Variants in GRM5 observed in about 807,000 individuals in gnomAD.
GRM5 encodes the protein glutamate metabotropic receptor 5, also known as metabotropic glutamate receptor 5.
A neutral mutation model predicts 83.1 loss-of-function variants in GRM5; 19 were observed. The observed-to-expected ratio is 0.23, with a 90% confidence interval of 0.16 to 0.34. The LOEUF is 0.34. Among genes scored for constraint, GRM5 ranks in the 10% least tolerant of loss-of-function variants. GRM5 has a pLI of 1.00. For synonymous variants in GRM5, 675 were observed against 633.6 expected (o/e 1.07, Z -0.98); for missense variants, 1,160 against 1,588.3 (o/e 0.73, Z 4.58).
At chr11:88,517,429 A>G (rs953703671) in intron 9 of GRM5, among the ~76,000 whole-genome samples, 1 of 152,178 alleles carries the variant, frequency 6.6e-6, no homozygotes, top group African/African-American at 2.4e-5. Flanking sequence ...TGGCAAAAAA[A>G]GTTTTAAAAA....
intron 2 of GRM5, among the ~76,000 whole-genome samples, chr11:88,858,635 T>C (rs1274622422): frequency 3.3e-5 from 5 of 152,052 alleles, no homozygotes; most frequent in Admixed American, 2.0e-4. Context: ...GAGTGTCATA[T>C]TTGGTTTGGT....
intron 2 of GRM5, among the ~76,000 whole-genome samples, chr11:89,007,210 A>C (rs1488192789): frequency 6.6e-6 from 1 of 152,234 alleles, no homozygotes; most frequent in Non-Finnish European, 1.5e-5. Context: ...TTTAGCACAC[A>C]ACAAAGACAA....
intron 3 of GRM5, among the ~76,000 whole-genome samples, chr11:88,785,273 C>T (rs1206704965): frequency 6.6e-6 from 1 of 152,012 alleles, no homozygotes; most frequent in Non-Finnish European, 1.5e-5. Context: ...GAACTAATTA[C>T]ATACTTTGGC....
chr11:88,871,873 T>C (rs1944773764), intron 2 of GRM5, among the ~76,000 whole-genome samples: 1 of 151,110 alleles, frequency 6.6e-6, no homozygotes, highest in African/African-American at 2.4e-5. Flanking sequence ...AAAAAGGAGA[T>C]AATAGGTTAG....
Position 88,525,410 on chromosome 11 carries a change from G to A in GRM5, c.2631-6C>T, listed in dbSNP as rs1941846770. 2 of 1,567,852 alleles carry A rather than the reference G, an allele frequency of 1.3e-6. No individual in the cohort carries two copies. Among genetic ancestry groups the A allele is most frequent in the African/African-American group, 1.3e-5 (1 of 74,092 alleles). Reference sequence around the variant, plus strand: ...CCAGTCTCCTGTCTTTGTACCTGGTGAGCATGAACAAGGACAGGAGCAAAC... The same window carrying A: ...CCAGTCTCCTGTCTTTGTACCTGGTAAGCATGAACAAGGACAGGAGCAAAC... On this transcript the variant is annotated splice_region_variant and splice_polypyrimidine_tract_variant and intron_variant, in intron 8 of 9. Coordinates refer to ENST00000305447, the MANE Select transcript of GRM5 (RefSeq NM_001143831.3).
intron 8 of GRM5, among the ~76,000 whole-genome samples, chr11:88,548,061 A>G (rs1375238173): frequency 1.3e-5 from 2 of 152,236 alleles, no homozygotes; most frequent in African/African-American, 4.8e-5. Context: ...GAGAAAAGGT[A>G]GAAAACTTAT....
At chr11:88,546,936 A>G (rs1469254943) in intron 8 of GRM5, among the ~76,000 whole-genome samples, 1 of 152,060 alleles carries the variant, frequency 6.6e-6, no homozygotes, top group East Asian at 1.9e-4. Flanking sequence ...AAAAATGGGG[A>G]GGTATTGAAT....
intron 3 of GRM5, among the ~76,000 whole-genome samples, chr11:88,745,190 TTATTTTTC>T (rs1565211220): frequency 1.2e-4 from 3 of 24,466 alleles, no homozygotes; most frequent in African/African-American, 2.6e-4. Context: ...TTTTTTCTTT[TTATTTTTC>T]TTTTTTTTTT....
intron 1 of GRM5, among the ~76,000 whole-genome samples, chr11:89,051,910 G>A (rs1243622899): frequency 1.3e-5 from 2 of 152,156 alleles, no homozygotes; most frequent in African/African-American, 2.4e-5. Flanking sequence ...GGCGACAGTA[G>A]ATATTGAGAA....
At chr11:88,733,045 C>T (rs1941839590) in intron 3 of GRM5, among the ~76,000 whole-genome samples, 1 of 151,936 alleles carries the variant, frequency 6.6e-6, no homozygotes, top group African/African-American at 2.4e-5. Context: ...TAGACATGAC[C>T]CAATAAATCT....
At chr11:88,769,301 T>C (rs150974760) in intron 3 of GRM5, among the ~76,000 whole-genome samples, 106 of 152,162 alleles carry the variant, frequency 7.0e-4, no homozygotes, top group Middle Eastern at 3.4e-3. Flanking sequence ...AATATAGATA[T>C]AGATCGTTAC....
chr11:88,546,345 A>G lies in GRM5; in HGVS notation c.2630+20708T>C, dbSNP rs553647658. Among the ~76,000 whole-genome samples the G allele has an allele frequency of 5.3e-5, 8 of 152,070 alleles. No homozygotes were observed. The South Asian group carries it at 6.2e-4, about 12-fold the overall frequency. ...GAGCTGAGATTTTAGGTTGTTCTTCATTTTATCCTCAAAGCATAGAACAGT... is the reference window on the plus strand; with the variant it reads ...GAGCTGAGATTTTAGGTTGTTCTTCGTTTTATCCTCAAAGCATAGAACAGT... On this transcript the variant is annotated intron_variant, in intron 8 of 9. Coordinates refer to ENST00000305447, the MANE Select transcript of GRM5 (RefSeq NM_001143831.3).
intron 4 of GRM5, among the ~76,000 whole-genome samples, chr11:88,612,522 A>G (rs573629045): frequency 2.0e-5 from 3 of 152,284 alleles, no homozygotes; most frequent in Admixed American, 6.5e-5. Flanking sequence ...TTCTAGTTCT[A>G]GATCCCTGAG....
chr11:88,537,682 A>G (rs1296844145), intron 8 of GRM5, among the ~76,000 whole-genome samples: 1 of 152,182 alleles, frequency 6.6e-6, no homozygotes, highest in East Asian at 1.9e-4. Context: ...CCTTCTATCT[A>G]TCTATATATG....
intron 3 of GRM5, among the ~76,000 whole-genome samples, chr11:88,674,839 T>C (rs927661015): frequency 1.3e-5 from 2 of 151,962 alleles, no homozygotes; most frequent in African/African-American, 4.8e-5. Context: ...AATGTAATAA[T>C]ATTACATCTC....
At chr11:88,971,688 G>C (rs1939168384) in intron 2 of GRM5, among the ~76,000 whole-genome samples, 1 of 152,062 alleles carries the variant, frequency 6.6e-6, no homozygotes, top group South Asian at 2.1e-4. Flanking sequence ...TATTGTTAAT[G>C]GGCATTTAGG....
At chr11:89,057,830 A>G (rs13328847) in intron 1 of GRM5, among the ~76,000 whole-genome samples, 7,664 of 152,164 alleles carry the variant, frequency 0.05, 326 homozygotes, top group African/African-American at 0.11. Context: ...CTTACTTATT[A>G]ATACATAATA....
rs533020167 is a variant in GRM5 at position 88,670,080 on chromosome 11, A to G, written c.912-16677T>C. ...ATAATTTGTTGAAATTATGGGACCAATAGAACAGAGTCCCACATGCATACA... is the reference window on the plus strand; with the variant it reads ...ATAATTTGTTGAAATTATGGGACCAGTAGAACAGAGTCCCACATGCATACA... On this transcript the variant is annotated intron_variant, in intron 3 of 9. Transcript: ENST00000305447. Among the ~76,000 whole-genome samples the G allele has an allele frequency of 9.9e-5, 15 of 152,162 alleles. No homozygotes were observed. In the South Asian group the frequency reaches 2.5e-3, roughly 25 times the overall value.
chr11:88,701,089 CTT>C (rs1941022828), intron 3 of GRM5, among the ~76,000 whole-genome samples: 1 of 152,212 alleles, frequency 6.6e-6, no homozygotes, highest in African/African-American at 2.4e-5. Context: ...GGAGGGAATG[CTT>C]CCAGCAAGGG....
Sources: gnomAD v4.1 joint callset for allele counts (sites outside exome capture counted in the v4.1 genomes callset) on GRCh38, gnomAD v4.1.1 for gene constraint, MANE v1.5 for transcripts, NCBI Gene and HGNC (gene_info 2026-07-23, HGNC 2026-07-21) for gene names.